The following CTNNA3 variants were observed in gnomAD, a reference collection of about 807,000 sequenced individuals.
CTNNA3 encodes catenin alpha-3.
In CTNNA3, 76 loss-of-function variants were observed where a neutral mutation model predicts 95.7. The observed-to-expected ratio is 0.79, with a 90% CI of 0.66 to 0.96. The LOEUF is 0.96. Ranked by LOEUF, CTNNA3 falls within the 40% of genes least tolerant of loss-of-function variation. CTNNA3 has a pLI of 0.00. For missense variants in CTNNA3, 1,191 were observed against 1,089.8 expected (o/e 1.09, Z -1.31); for synonymous variants, 431 against 374.4 (o/e 1.15, Z -1.74).
At chr10:67,397,603 C>T (rs1193972145) in intron 5 of CTNNA3, among the ~76,000 whole-genome samples, 1 of 152,200 alleles carries the variant, frequency 6.6e-6, no homozygotes, top group Admixed American at 6.5e-5. Flanking sequence ...GCTGCAGAAA[C>T]TTGCATAAGT....
Position 67,518,302 on chromosome 10 carries a change from G to T in CTNNA3, c.579+3540C>A, listed in dbSNP as rs370807368. On this transcript the variant is annotated intron_variant, in intron 5 of 17. Transcript: ENST00000433211. ...TATTGACTAGAGGTCACAGGAGGAG[G>T]TGTTATGAGGGAGGCTAGACTTCAG... Among the ~76,000 whole-genome samples the T allele has an allele frequency of 3.3e-5, 5 of 152,254 alleles. No individual in the cohort carries two copies. The East Asian group carries it at 9.7e-4, about 29-fold the overall frequency.
rs896987977 is a variant in CTNNA3 at position 67,546,278 on chromosome 10, T to C, written c.293-6609A>G. ...TTCCAAGGAGCTGAGACTACAGGTA[T>C]GCATCACCAAACCCAATTAATTTTT... is the stretch of plus-strand genomic sequence containing the variant. On this transcript the variant is annotated intron_variant, in intron 3 of 17. Coordinates refer to ENST00000433211, the MANE Select transcript of CTNNA3 (RefSeq NM_013266.4). 2.0e-5 allele frequency among the ~76,000 whole-genome samples: 3 copies of C among 152,014 alleles called. 1 individual carries two copies. The South Asian group carries it at 6.2e-4, about 32-fold the overall frequency.
chr10:65,980,879 C>T (rs2078307128), intron 16 of CTNNA3, among the ~76,000 whole-genome samples: 1 of 151,956 alleles, frequency 6.6e-6, no homozygotes, highest in South Asian at 2.1e-4. Context: ...AACCCACAGC[C>T]AATATTATAC....
At chr10:66,808,562 A>T (rs1841749780) in intron 7 of CTNNA3, among the ~76,000 whole-genome samples, 1 of 152,172 alleles carries the variant, frequency 6.6e-6, no homozygotes, top group Admixed American at 6.5e-5. Context: ...CTTTCCAAAG[A>T]TTCAGTTACT....
At chr10:67,309,945 A>C (rs974315645) in intron 5 of CTNNA3, among the ~76,000 whole-genome samples, 1 of 152,216 alleles carries the variant, frequency 6.6e-6, no homozygotes, top group Non-Finnish European at 1.5e-5. Context: ...AAAAGTAGAT[A>C]TTAAAGGAGC....
intron 1 of CTNNA3, among the ~76,000 whole-genome samples, chr10:67,705,468 G>T (rs1366148303): frequency 2.0e-5 from 3 of 150,016 alleles, no homozygotes; most frequent in African/African-American, 7.4e-5. Context: ...ATGAGTTCAT[G>T]TCCTTTGTAG....
chr10:67,052,041 C>A (rs769932289), intron 7 of CTNNA3, among the ~76,000 whole-genome samples: 64 of 152,170 alleles, frequency 4.2e-4, no homozygotes, highest in Non-Finnish European at 8.1e-4. Flanking sequence ...AGGCGTGAGC[C>A]ACCACGCCTG....
At chr10:67,530,168 T>C (rs1288944617) in intron 4 of CTNNA3, among the ~76,000 whole-genome samples, 1 of 152,194 alleles carries the variant, frequency 6.6e-6, no homozygotes, top group Non-Finnish European at 1.5e-5. Flanking sequence ...AACAGACTAA[T>C]ACAGTAAATT....
chr10:66,121,397 A>G (rs2082565350), intron 13 of CTNNA3, among the ~76,000 whole-genome samples: 2 of 152,188 alleles, frequency 1.3e-5, no homozygotes, highest in African/African-American at 4.8e-5. Flanking sequence ...TTCCTTCAAA[A>G]GAAGCTCCAG....
At chr10:67,384,796 C>T (rs1844083628) in intron 5 of CTNNA3, among the ~76,000 whole-genome samples, 1 of 152,028 alleles carries the variant, frequency 6.6e-6, no homozygotes, top group Non-Finnish European at 1.5e-5. Context: ...TAGGCAGCTG[C>T]TACATATAGA....
intron 7 of CTNNA3, among the ~76,000 whole-genome samples, chr10:67,042,700 AAG>A (rs1854479362): frequency 6.6e-6 from 1 of 152,116 alleles, no homozygotes; most frequent in Non-Finnish European, 1.5e-5. Flanking sequence ...GAGGAAAAAA[AAG>A]AGGTGGTCAG....
At chr10:66,075,540 TC>T (rs2080534137) in intron 14 of CTNNA3, among the ~76,000 whole-genome samples, 1 of 151,824 alleles carries the variant, frequency 6.6e-6, no homozygotes, top group East Asian at 1.9e-4. Flanking sequence ...TCCAAGACTT[TC>T]CACAAAATGG....
chr10:66,378,756 G>C (rs1036630619), intron 12 of CTNNA3, among the ~76,000 whole-genome samples: 1 of 152,156 alleles, frequency 6.6e-6, no homozygotes, highest in Non-Finnish European at 1.5e-5. Flanking sequence ...ACGTAGGACA[G>C]ACTTGCTGTG....
intron 3 of CTNNA3, among the ~76,000 whole-genome samples, chr10:67,554,626 T>C (rs1402429317): frequency 6.6e-6 from 1 of 152,230 alleles, no homozygotes; most frequent in Non-Finnish European, 1.5e-5. Context: ...GTAAATTTGT[T>C]TAAGTTCTTT....
intron 6 of CTNNA3, among the ~76,000 whole-genome samples, chr10:67,204,494 C>A (rs1306124071): frequency 6.6e-6 from 1 of 152,130 alleles, no homozygotes; most frequent in Non-Finnish European, 1.5e-5. Context: ...GTACAGCCTG[C>A]AGAACTGTAA....
chr10:66,130,955 T>C (rs1198527746), intron 13 of CTNNA3, among the ~76,000 whole-genome samples: 2 of 146,690 alleles, frequency 1.4e-5, no homozygotes, highest in Non-Finnish European at 3.0e-5. Flanking sequence ...CTAAAAGAAA[T>C]GGATAAATTC....
chr10:65,978,278 G>A (rs1031411304), intron 16 of CTNNA3, among the ~76,000 whole-genome samples: 8 of 151,948 alleles, frequency 5.3e-5, no homozygotes, highest in Non-Finnish European at 1.0e-4. Flanking sequence ...TATAATTGCC[G>A]CATTCATTAT....
At chr10:66,366,864 T>C (rs1449671299) in intron 12 of CTNNA3, among the ~76,000 whole-genome samples, 2 of 152,134 alleles carry the variant, frequency 1.3e-5, no homozygotes, top group African/African-American at 4.8e-5. Context: ...TGTATCTTTG[T>C]GTGTGTGTGT....
chr10:66,583,394 C>T (rs568238734), intron 10 of CTNNA3, among the ~76,000 whole-genome samples: 1 of 151,668 alleles, frequency 6.6e-6, no homozygotes, highest in African/African-American at 2.4e-5. Context: ...TCTAGTTCTT[C>T]CTGATTCAAG....
Sources: gnomAD v4.1 joint callset for allele counts (sites outside exome capture counted in the v4.1 genomes callset) on GRCh38, gnomAD v4.1.1 for gene constraint, MANE v1.5 for transcripts, NCBI Gene and HGNC (gene_info 2026-07-23, HGNC 2026-07-21) for gene names.